Variants in NFIB observed in about 807,000 individuals in gnomAD.
NFIB encodes nuclear factor I B, also known as nuclear factor 1 B-type.
Under a neutral mutation model 61.5 loss-of-function variants are expected in NFIB, and 11 were observed. That is an observed-to-expected ratio of 0.18 (90% CI 0.11 to 0.30). NFIB has a LOEUF of 0.30. NFIB is among the 10% of genes least tolerant of loss of function. NFIB has a pLI of 1.00. For synonymous variants in NFIB, 260 were observed against 216.5 expected, an observed-to-expected ratio of 1.20 and a Z score of -1.76; for missense variants, 471 against 608.9, an observed-to-expected ratio of 0.77 and a Z score of 2.38.
intron 2 of NFIB, among the ~76,000 whole-genome samples, chr9:14,203,112 C>T (rs1201149226): frequency 6.6e-6 from 1 of 152,072 alleles, no homozygotes; most frequent in Non-Finnish European, 1.5e-5. Flanking sequence ...TTTTTACCTC[C>T]TTCTATTAAT....
At chr9:14,329,658 G>T (rs1456836571) in intron 1 of NFIB, among the ~76,000 whole-genome samples, 1 of 151,888 alleles carries the variant, frequency 6.6e-6, no homozygotes, top group African/African-American at 2.4e-5. Context: ...GAGACTACAG[G>T]TGCGTACCAC....
At chr9:14,350,073 G>A (rs1489706049) in intron 1 of NFIB, among the ~76,000 whole-genome samples, 2 of 152,134 alleles carry the variant, frequency 1.3e-5, no homozygotes, top group East Asian at 1.9e-4. Context: ...CAGGAGGGTC[G>A]TTTGGCGGCC....
intron 2 of NFIB, among the ~76,000 whole-genome samples, chr9:14,276,023 T>C (rs2132379678): frequency 6.6e-6 from 1 of 152,248 alleles, no homozygotes; most frequent in South Asian, 2.1e-4. Context: ...AATTACCAAT[T>C]TATACTGAAA....
intron 2 of NFIB, among the ~76,000 whole-genome samples, chr9:14,195,789 G>A (rs1035551496): frequency 1.4e-4 from 22 of 152,152 alleles, no homozygotes; most frequent in Admixed American, 1.2e-3. Context: ...GGGTATGTAT[G>A]TCACACCATG....
chr9:14,262,631 C>T (rs1415929300), intron 2 of NFIB, among the ~76,000 whole-genome samples: 2 of 152,160 alleles, frequency 1.3e-5, no homozygotes, highest in African/African-American at 2.4e-5. Flanking sequence ...TGGCTTATAA[C>T]GGCTAGGGTT....
intron 3 of NFIB, among the ~76,000 whole-genome samples, chr9:14,164,129 A>T (rs763777849): frequency 8.6e-5 from 13 of 152,006 alleles, no homozygotes; most frequent in East Asian, 1.9e-4. Flanking sequence ...AGAAATATTT[A>T]AAAAAATAAA....
chr9:14,159,440 T>C (rs954494035), intron 3 of NFIB, among the ~76,000 whole-genome samples: 2 of 152,120 alleles, frequency 1.3e-5, no homozygotes, highest in African/African-American at 2.4e-5. Flanking sequence ...GAGACTTTAG[T>C]GGAGGAAGGT....
chr9:14,091,182 T>C (rs1185489751), intron 10 of NFIB, among the ~76,000 whole-genome samples: 1 of 151,818 alleles, frequency 6.6e-6, no homozygotes, highest in Non-Finnish European at 1.5e-5. Context: ...GTTTTACAAG[T>C]CTCTTATTGC....
At chr9:14,361,096 G>A (rs538881780) in intron 1 of NFIB, among the ~76,000 whole-genome samples, 1 of 152,138 alleles carries the variant, frequency 6.6e-6, no homozygotes, top group East Asian at 1.9e-4. Flanking sequence ...CCATAATCCT[G>A]TTTGTTTTCC....
chr9:14,450,615 G>C, the NFIB span, among the ~76,000 whole-genome samples: 3 of 152,028 alleles, frequency 2.0e-5, no homozygotes, highest in Non-Finnish European at 4.4e-5. Context: ...ACTGCATTGA[G>C]AGACTCCCTT....
the NFIB span, among the ~76,000 whole-genome samples, chr9:14,405,153 A>T: frequency 3.3e-5 from 5 of 152,188 alleles, no homozygotes; most frequent in African/African-American, 1.2e-4. Flanking sequence ...CTCTTCCTTC[A>T]ACTATCAGCT....
At chr9:14,176,887 G>A (rs1448173258) in intron 3 of NFIB, among the ~76,000 whole-genome samples, 1 of 152,096 alleles carries the variant, frequency 6.6e-6, no homozygotes, top group Non-Finnish European at 1.5e-5. Flanking sequence ...TCAACAGTGG[G>A]GAACAGATTT....
At chr9:14,343,168 A>G (rs1037268472) in intron 1 of NFIB, among the ~76,000 whole-genome samples, 4 of 152,120 alleles carry the variant, frequency 2.6e-5, no homozygotes, top group Admixed American at 1.3e-4. Context: ...TTTTCCCACA[A>G]TCTTCTGACA....
chr9:14,333,630 T>G (rs1377474424), intron 1 of NFIB, among the ~76,000 whole-genome samples: 1 of 152,178 alleles, frequency 6.6e-6, no homozygotes, highest in East Asian at 1.9e-4. Context: ...CCCTAAAAAG[T>G]AAGACCTAAG....
intron 2 of NFIB, among the ~76,000 whole-genome samples, chr9:14,289,129 T>C (rs1203724156): frequency 1.4e-5 from 2 of 146,056 alleles, no homozygotes; most frequent in Non-Finnish European, 3.0e-5. Context: ...TATGTATATA[T>C]ATATATATAT....
chr9:14,291,540 T>G (rs2059101813), intron 2 of NFIB, among the ~76,000 whole-genome samples: 1 of 152,138 alleles, frequency 6.6e-6, no homozygotes, highest in African/African-American at 2.4e-5. Context: ...TAAATTCCCC[T>G]TGTAAATTTC....
the NFIB span, among the ~76,000 whole-genome samples, chr9:14,459,614 C>T: frequency 6.6e-6 from 1 of 152,030 alleles, no homozygotes; most frequent in African/African-American, 2.4e-5. Context: ...TTGCAATCTA[C>T]TCATCTGACA....
At chr9:14,479,482 G>A in the NFIB span, among the ~76,000 whole-genome samples, 1 of 152,146 alleles carries the variant, frequency 6.6e-6, no homozygotes, top group African/African-American at 2.4e-5. Context: ...CCAGCCCTGA[G>A]GCTTAATGCT....
At chr9:14,153,483 T>C (rs952747622) in intron 4 of NFIB, among the ~76,000 whole-genome samples, 2 of 152,112 alleles carry the variant, frequency 1.3e-5, no homozygotes, top group East Asian at 1.9e-4. Context: ...AGGATGCCGA[T>C]ATCCTCTTAG....
Sources: allele counts gnomAD v4.1 joint callset (sites outside exome capture counted in the v4.1 genomes callset), GRCh38; gene constraint gnomAD v4.1.1; transcripts MANE v1.5; gene names NCBI Gene and HGNC (gene_info 2026-07-23, HGNC 2026-07-21).